SPAG9: variants seen among roughly 807,000 people sequenced by gnomAD.
SPAG9 encodes C-Jun-amino-terminal kinase-interacting protein 4.
SPAG9 carries 35 observed loss-of-function variants against 166.5 expected under a neutral mutation model. The ratio of observed to expected loss-of-function variants is 0.21; its 90% CI spans 0.16 to 0.28. The LOEUF (loss-of-function observed/expected upper bound fraction) is 0.28, where lower values mean the gene tolerates loss of function less well. Ranked by LOEUF, SPAG9 falls within the 10% of genes least tolerant of loss-of-function variation. The pLI is 1.00. For missense variants in SPAG9, 1,235 were observed against 1,603.3 expected, an observed-to-expected ratio of 0.77 and a Z score of 3.92; for synonymous variants, 534 against 565.5, an observed-to-expected ratio of 0.94 and a Z score of 0.79.
chr17:50,988,847 ACTAT>A (rs1567967487), intron 21 of SPAG9, among the ~76,000 whole-genome samples: 1 of 152,210 alleles, frequency 6.6e-6, no homozygotes, highest in African/African-American at 2.4e-5. Flanking sequence ...AGCCACTGGA[ACTAT>A]CTGAGTTGTT....
intron 25 of SPAG9, among the ~76,000 whole-genome samples, chr17:50,981,531 A>AGATAGATAGAT (rs1567959559): frequency 3.9e-5 from 5 of 128,622 alleles, no homozygotes; most frequent in East Asian, 2.2e-4. Context: ...GATAGATAGA[A>AGATAGATAGAT]AGAAAGAAAG....
At chr17:51,054,032 TTAATATCC>T (rs1415491880) in intron 3 of SPAG9, among the ~76,000 whole-genome samples, 1 of 148,920 alleles carries the variant, frequency 6.7e-6, no homozygotes, top group African/African-American at 2.5e-5. Flanking sequence ...CCTTAATATC[TTAATATCC>T]ACCAAATGCC....
rs376273305 is a variant in SPAG9 at position 50,999,669 on chromosome 17, A to G, written c.1656T>C (p.Ile552=). 6.2e-6 allele frequency: 10 copies of G among 1,613,052 alleles called. No individual in the cohort carries two copies. The highest frequency in any genetic ancestry group is 1.3e-5 in the African/African-American group (1 of 74,874). ...PAMQEKKRSS[I]WQFFSRLFSS... ...TGTTTTTCAATACTTACAACTGCCAAATGCTTGACCTTTTTTTTTCCTGCA... is the reference window on the plus strand; with the variant it reads ...TGTTTTTCAATACTTACAACTGCCAGATGCTTGACCTTTTTTTTTCCTGCA... The change falls in exon 14 of 30, where the codon ATT becomes ATC. Residue 552 remains isoleucine, a synonymous_variant. Coordinates refer to ENST00000262013, the MANE Select transcript of SPAG9 (RefSeq NM_001130528.3).
intron 1 of SPAG9, among the ~76,000 whole-genome samples, chr17:51,108,276 A>G (rs2049010235): frequency 6.6e-6 from 1 of 151,418 alleles, no homozygotes. Flanking sequence ...AGTCCCAGCT[A>G]CTCAGAAGGC....
intron 6 of SPAG9, among the ~76,000 whole-genome samples, chr17:51,026,100 TA>T (rs2046157788): frequency 6.6e-6 from 1 of 152,148 alleles, no homozygotes; most frequent in Non-Finnish European, 1.5e-5. Context: ...ATTTACCTCT[TA>T]AATATAGAGA....
chr17:50,982,070 T>A (rs1364398674), intron 25 of SPAG9, among the ~76,000 whole-genome samples: 2 of 151,202 alleles, frequency 1.3e-5, no homozygotes, highest in African/African-American at 4.9e-5. Flanking sequence ...AAGAAAATAA[T>A]GCTAGGAGGT....
chr17:51,100,586 C>T (rs529514334), intron 1 of SPAG9, among the ~76,000 whole-genome samples: 3 of 151,374 alleles, frequency 2.0e-5, no homozygotes, highest in Non-Finnish European at 4.4e-5. Flanking sequence ...GAGCCATAAT[C>T]GTGCCACTGC....
chr17:51,085,192 C>T (rs1398050413), intron 1 of SPAG9: 1 of 152,168 alleles, frequency 6.6e-6, no homozygotes, highest in African/African-American at 2.4e-5. Context: ...GGATAAAATA[C>T]TATTTTAAAA....
chr17:50,974,173 A>C (rs1974047986), intron 28 of SPAG9, among the ~76,000 whole-genome samples: 2 of 151,594 alleles, frequency 1.3e-5, no homozygotes, highest in South Asian at 4.2e-4. Context: ...GGACATCATC[A>C]CTTCCATCTT....
intron 7 of SPAG9, 87 bp from the exon 8 acceptor site, chr17:51,020,345 G>A: frequency 2.5e-6 from 2 of 814,096 alleles, no homozygotes; most frequent in Non-Finnish European, 2.0e-6. Flanking sequence ...GGGTGTAAAG[G>A]TATCATTTGA....
chr17:51,096,545 C>G (rs2048653514), intron 1 of SPAG9, among the ~76,000 whole-genome samples: 1 of 152,060 alleles, frequency 6.6e-6, no homozygotes, highest in African/African-American at 2.4e-5. Flanking sequence ...GTTAATTTTA[C>G]AAATACATAT....
chr17:50,984,607 A>G (rs1177160047), intron 24 of SPAG9, among the ~76,000 whole-genome samples: 1 of 152,054 alleles, frequency 6.6e-6, no homozygotes, highest in African/African-American at 2.4e-5. Flanking sequence ...AGTGGTGTGA[A>G]CCCGGGAGGC....
At chr17:51,017,650 A>T (rs2045759365) in intron 8 of SPAG9, among the ~76,000 whole-genome samples, 2 of 152,216 alleles carry the variant, frequency 1.3e-5, no homozygotes, top group African/African-American at 4.8e-5. Flanking sequence ...TATTTATAAA[A>T]TAAGGATAAA....
At chr17:51,042,232 T>C (rs2046866255) in intron 4 of SPAG9, among the ~76,000 whole-genome samples, 1 of 152,116 alleles carries the variant, frequency 6.6e-6, no homozygotes, top group South Asian at 2.1e-4. Context: ...ACTATATGAG[T>C]TCCTTTCAAG....
intron 3 of SPAG9, among the ~76,000 whole-genome samples, chr17:51,053,741 T>A (rs2047245808): frequency 2.1e-5 from 3 of 145,584 alleles, no homozygotes; most frequent in Non-Finnish European, 4.5e-5. Context: ...GGGAAGCTGA[T>A]GTGGGAGGAC....
intron 25 of SPAG9, among the ~76,000 whole-genome samples, chr17:50,980,504 C>T (rs554379994): frequency 3.3e-5 from 5 of 151,980 alleles, no homozygotes; most frequent in Admixed American, 1.3e-4. Flanking sequence ...CGCACCTGGC[C>T]TAACAGAAAG....
At chr17:51,020,767 T>A (rs775325215) in intron 7 of SPAG9, among the ~76,000 whole-genome samples, 3 of 152,208 alleles carry the variant, frequency 2.0e-5, no homozygotes, top group African/African-American at 7.2e-5. Flanking sequence ...CCCACCACAA[T>A]ACCAAAATCC....
intron 4 of SPAG9, 37 bp from the exon 5 acceptor site, chr17:51,041,688 T>G (rs2046844744): frequency 6.2e-7 from 1 of 1,601,912 alleles, no homozygotes; most frequent in African/African-American, 1.3e-5. Flanking sequence ...GGCATTCATT[T>G]ATTTTGACTT....
chr17:51,051,142 C>A (rs1203940954), intron 3 of SPAG9, among the ~76,000 whole-genome samples: 1 of 152,064 alleles, frequency 6.6e-6, no homozygotes, highest in Admixed American at 6.5e-5. Flanking sequence ...CGGAGGCTTG[C>A]TCTGTCACCC....
Sources: allele counts gnomAD v4.1 joint callset (sites outside exome capture counted in the v4.1 genomes callset), GRCh38; gene constraint gnomAD v4.1.1; transcripts MANE v1.5; gene names NCBI Gene and HGNC (gene_info 2026-07-23, HGNC 2026-07-21).